The following CUL1 variants were observed in gnomAD, a reference collection of about 807,000 sequenced individuals.
CUL1 encodes cullin 1.
Under a neutral mutation model 118.0 loss-of-function variants are expected in CUL1, and 24 were observed. The ratio of observed to expected loss-of-function variants is 0.20; its 90% CI spans 0.15 to 0.29. CUL1 has a LOEUF of 0.29. Ranked by LOEUF, CUL1 falls within the 10% of genes least tolerant of loss-of-function variation. CUL1 has a pLI of 1.00. For missense variants in CUL1, 361 were observed against 933.8 expected (o/e 0.39, Z 7.99); for synonymous variants, 332 against 340.4 (o/e 0.98, Z 0.27).
chr7:148,763,219 G>A (rs1444240864), intron 7 of CUL1, among the ~76,000 whole-genome samples: 1 of 152,100 alleles, frequency 6.6e-6, no homozygotes, highest in African/African-American at 2.4e-5. Flanking sequence ...AATTTCCAAT[G>A]GCCTCGATGT....
At chr7:148,700,904 G>A (rs193095246) in intron 1 of CUL1, among the ~76,000 whole-genome samples, 1 of 152,188 alleles carries the variant, frequency 6.6e-6, no homozygotes, top group Admixed American at 6.5e-5. Flanking sequence ...CTCCTAATGT[G>A]TGTACCACAT....
chr7:148,752,776 G>A (rs879513564), intron 2 of CUL1, among the ~76,000 whole-genome samples: 2 of 152,162 alleles, frequency 1.3e-5, no homozygotes, highest in Admixed American at 1.3e-4. Context: ...AGCCTCCCGA[G>A]TAGCTGGGAC....
At chr7:148,727,001 T>A (rs1271344259) in intron 1 of CUL1, among the ~76,000 whole-genome samples, 1 of 152,072 alleles carries the variant, frequency 6.6e-6, no homozygotes, top group Non-Finnish European at 1.5e-5. Flanking sequence ...AACAGAGTGA[T>A]ACCCTATTTA....
intron 20 of CUL1, among the ~76,000 whole-genome samples, chr7:148,799,042 G>A (rs543345195): frequency 4.7e-4 from 72 of 152,048 alleles, no homozygotes; most frequent in African/African-American, 1.7e-3. Flanking sequence ...AAATTATTGA[G>A]GTAAAATTGC....
intron 1 of CUL1, among the ~76,000 whole-genome samples, chr7:148,704,581 A>G (rs1017028259): frequency 1.4e-4 from 22 of 152,204 alleles, no homozygotes; most frequent in Non-Finnish European, 2.8e-4. Context: ...GCTGTTGTTA[A>G]GGATGATTAT....
At chr7:148,701,364 A>G (rs1425968932) in intron 1 of CUL1, among the ~76,000 whole-genome samples, 1 of 151,826 alleles carries the variant, frequency 6.6e-6, no homozygotes, top group African/African-American at 2.4e-5. Context: ...GAAACACCCC[A>G]GTATCTAGTA....
chr7:148,797,211 G>A (rs1486250056), intron 17 of CUL1, among the ~76,000 whole-genome samples: 2 of 152,146 alleles, frequency 1.3e-5, no homozygotes, highest in Non-Finnish European at 2.9e-5. Context: ...TTGCTGGGCA[G>A]CTCTTTAATA....
chr7:148,745,955 A>C (rs566887570), intron 2 of CUL1, among the ~76,000 whole-genome samples: 21 of 152,294 alleles, frequency 1.4e-4, no homozygotes, highest in African/African-American at 4.8e-4. Flanking sequence ...TCCTGACTAG[A>C]TAATGGTGAG....
chr7:148,762,446 T>A (rs1273900522), intron 7 of CUL1, among the ~76,000 whole-genome samples: 1 of 152,200 alleles, frequency 6.6e-6, no homozygotes, highest in Non-Finnish European at 1.5e-5. Flanking sequence ...GTTCCTTGTG[T>A]ATAATGGTGG....
chr7:148,798,094 ATTG>A, intron 19 of CUL1, 75 bp downstream of exon 19: 1 of 853,812 alleles, frequency 1.2e-6, no homozygotes, highest in Non-Finnish European at 1.9e-6. Flanking sequence ...GGATCTCAGT[ATTG>A]TTACAAACCA....
intron 3 of CUL1, among the ~76,000 whole-genome samples, chr7:148,756,375 G>A (rs1799657743): frequency 6.6e-6 from 1 of 151,816 alleles, no homozygotes; most frequent in South Asian, 2.1e-4. Context: ...TTGCTCTGTC[G>A]CCCAGGCTAG....
chr7:148,722,320 G>A (rs187632003), intron 1 of CUL1, among the ~76,000 whole-genome samples: 1 of 152,208 alleles, frequency 6.6e-6, no homozygotes, highest in African/African-American at 2.4e-5. Context: ...CTCGGATTGG[G>A]ACTCCCCACT....
intron 2 of CUL1, among the ~76,000 whole-genome samples, chr7:148,743,180 C>G (rs1799199530): frequency 6.6e-6 from 1 of 152,038 alleles, no homozygotes; most frequent in South Asian, 2.1e-4. Context: ...GTTCAGTGGC[C>G]CAGAAAATAG....
At chr7:148,744,529 A>G (rs1040997707) in intron 2 of CUL1, among the ~76,000 whole-genome samples, 6 of 152,176 alleles carry the variant, frequency 3.9e-5, no homozygotes, top group Non-Finnish European at 8.8e-5. Flanking sequence ...ATGACATCAT[A>G]GAAAATGTAG....
intron 7 of CUL1, among the ~76,000 whole-genome samples, chr7:148,763,986 C>G (rs1033371272): frequency 1.3e-5 from 2 of 151,986 alleles, no homozygotes; most frequent in Admixed American, 6.5e-5. Flanking sequence ...CCAAGGATGG[C>G]TTTGAAGAGT....
chr7:148,707,759 T>TA (rs1276842171), intron 1 of CUL1, among the ~76,000 whole-genome samples: 2 of 152,234 alleles, frequency 1.3e-5, no homozygotes, highest in Non-Finnish European at 2.9e-5. Flanking sequence ...ATTTTTTCTT[T>TA]AAAAATCTAA....
At chr7:148,751,000 C>A (rs371804921) in intron 2 of CUL1, among the ~76,000 whole-genome samples, 67 of 134,366 alleles carry the variant, frequency 5.0e-4, no homozygotes, top group South Asian at 7.2e-4. Context: ...AAAAAAAAAA[C>A]AAAACAAAAC....
chr7:148,797,773 A>AT, intron 17 of CUL1, 39 bp from the exon 18 acceptor site: 2 of 1,560,366 alleles, frequency 1.3e-6, no homozygotes, highest in Non-Finnish European at 1.8e-6. Flanking sequence ...AGAAAAATGC[A>AT]TTTTCCCTTT....
chr7:148,713,707 A>C (rs1344797134), intron 1 of CUL1, among the ~76,000 whole-genome samples: 2 of 152,156 alleles, frequency 1.3e-5, no homozygotes, highest in African/African-American at 4.8e-5. Context: ...TTAAATTAGC[A>C]TGTGTGTGTA....
Sources: gnomAD v4.1 joint callset for allele counts (sites outside exome capture counted in the v4.1 genomes callset) on GRCh38, gnomAD v4.1.1 for gene constraint, MANE v1.5 for transcripts, NCBI Gene and HGNC (gene_info 2026-07-23, HGNC 2026-07-21) for gene names.